PCDHGB4: variants seen among roughly 807,000 people sequenced by gnomAD.
PCDHGB4 encodes protocadherin gamma subfamily B, 4.
PCDHGB4 carries 38 observed loss-of-function variants against 60.5 expected under a neutral mutation model. That is an observed-to-expected ratio of 0.63 (90% CI 0.48 to 0.82). The LOEUF is 0.82. Ranked by LOEUF, PCDHGB4 falls within the 40% of genes least tolerant of loss-of-function variation. The pLI is 0.00. For synonymous variants in PCDHGB4, 456 were observed against 509.7 expected, an observed-to-expected ratio of 0.89 and a Z score of 1.42; for missense variants, 1,109 against 1,209.6, an observed-to-expected ratio of 0.92 and a Z score of 1.23.
intron 1 of PCDHGB4, chr5:141,404,724 T>C: frequency 6.2e-7 from 1 of 1,613,942 alleles, no homozygotes; most frequent in Non-Finnish European, 8.5e-7. Context: ...GTGACCAAGG[T>C]GGTGGCAGTG....
At chr5:141,484,707 G>C (rs1288663675) in intron 1 of PCDHGB4, among the ~76,000 whole-genome samples, 1 of 151,802 alleles carries the variant, frequency 6.6e-6, no homozygotes. Flanking sequence ...TGTTTTCCCC[G>C]CCGAAAAGGG....
chr5:141,415,907 T>C, intron 1 of PCDHGB4: 1 of 779,592 alleles, frequency 1.3e-6, no homozygotes. Context: ...CAGACTTCCA[T>C]ACAGAAGTGC....
At chr5:141,434,875 A>G (rs2097725018) in intron 1 of PCDHGB4, among the ~76,000 whole-genome samples, 1 of 151,990 alleles carries the variant, frequency 6.6e-6, no homozygotes, top group African/African-American at 2.4e-5. Flanking sequence ...TGTGACAGAT[A>G]CCAACAACAA....
intron 1 of PCDHGB4, chr5:141,427,447 T>A (rs556527924): frequency 1.9e-4 from 92 of 483,324 alleles, no homozygotes; most frequent in African/African-American, 1.4e-3. Context: ...AACGAAAGAG[T>A]TCCTTTTAGA....
At chr5:141,410,839 T>G in intron 1 of PCDHGB4, 2 of 481,442 alleles carry the variant, frequency 4.2e-6, no homozygotes, top group Non-Finnish European at 6.8e-6. Context: ...TGAAGATATT[T>G]TGTCTTTGTC....
At chr5:141,399,795 G>C in intron 1 of PCDHGB4, 2 of 1,613,204 alleles carry the variant, frequency 1.2e-6, no homozygotes, top group Non-Finnish European at 1.7e-6. Context: ...ACAACGCACC[G>C]CGGGTGCTGT....
intron 1 of PCDHGB4, chr5:141,403,237 CTG>C (rs1436614562): frequency 1.2e-6 from 2 of 1,613,942 alleles, no homozygotes; most frequent in Admixed American, 1.7e-5. Flanking sequence ...GGGAGGAGCT[CTG>C]TGCTCAGAGC....
rs371130763 is a variant in PCDHGB4 at position 141,432,970 on chromosome 5, G to A, written c.2397+42689G>A. The A allele has an allele frequency of 5.0e-6, 8 of 1,613,996 alleles. No homozygotes were observed. Among genetic ancestry groups the A allele is most frequent in the East Asian group, 4.5e-5 (2 of 44,868 alleles). ...GAGGCGGCTTGACAGGAGCGCCGGC[G>A]TCGCACTTTGTGGGCGTGGACGGGG... On this transcript the variant is annotated intron_variant, in intron 1 of 3. Transcript: ENST00000519479. The surrounding 1 kb of genome is among the most constrained non-coding windows in gnomAD (Gnocchi z 6.0).
At chr5:141,413,352 G>T in intron 1 of PCDHGB4, 11 of 1,613,976 alleles carry the variant, frequency 6.8e-6, no homozygotes, top group Non-Finnish European at 9.3e-6. Flanking sequence ...TGGGTCTGGC[G>T]CCCCGGGAGC....
intron 1 of PCDHGB4, chr5:141,408,394 C>T: frequency 6.2e-7 from 1 of 1,614,034 alleles, no homozygotes; most frequent in Non-Finnish European, 8.5e-7. Flanking sequence ...TGTCGGCTCG[C>T]AAGCTGCGAG....
At position 141,389,928 on chromosome 5, in the gene PCDHGB4, C is replaced by G; in HGVS notation, c.2044C>G (p.Leu682Val). ...DITDRPDPSDLQAELQFYLVV... is the reference protein window; with the variant it reads ...DITDRPDPSDVQAELQFYLVV... ...CACTGACCGCCCCGACCCCTCTGAC[C>G]TCCAGGCTGAGCTGCAGTTTTACCT... is the stretch of plus-strand genomic sequence containing the variant. Residue 682 changes from leucine to valine, a missense_variant, in exon 1 of 4, where the codon CTC (leucine) becomes GTC (valine). Transcript: ENST00000519479. 6.2e-7 allele frequency: 1 copy of G among 1,614,066 alleles called. No homozygotes were observed. Among genetic ancestry groups the G allele is most frequent in the Non-Finnish European group, 8.5e-7 (1 of 1,179,892 alleles).
chr5:141,421,833 C>T (rs1364245594), intron 1 of PCDHGB4: 6 of 1,613,756 alleles, frequency 3.7e-6, no homozygotes, highest in Non-Finnish European at 4.2e-6. Flanking sequence ...GAAGCCTGGA[C>T]CGAGAGAAAG....
At chr5:141,451,653 G>A (rs1440576814) in intron 1 of PCDHGB4, among the ~76,000 whole-genome samples, 2 of 152,166 alleles carry the variant, frequency 1.3e-5, no homozygotes, top group Non-Finnish European at 2.9e-5. Context: ...AGGCCAAGGA[G>A]GGTGGACTGC....
rs914956962 is a variant in PCDHGB4, at chr5:141,420,736, A to G, written c.2397+30455A>G. Among the ~76,000 whole-genome samples, 4 of 152,370 alleles carry G rather than the reference A, an allele frequency of 2.6e-5. No individual in the cohort carries two copies. In the East Asian group the frequency reaches 7.7e-4, roughly 29 times the overall value. On this transcript the variant is annotated intron_variant, in intron 1 of 3. Coordinates refer to ENST00000519479, the MANE Select transcript of PCDHGB4 (RefSeq NM_003736.4). ...TCGTTCCTTTCAGTCGGTTAAAATC[A>G]ATTGGAACCAACTACAACCTACAAG...
chr5:141,430,108 G>A (rs572634913), intron 1 of PCDHGB4, among the ~76,000 whole-genome samples: 1 of 152,190 alleles, frequency 6.6e-6, no homozygotes, highest in South Asian at 2.1e-4. Context: ...AGCGTTACAT[G>A]TCAACAACCT....
chr5:141,408,904 T>C (rs779095615), intron 1 of PCDHGB4: 14 of 1,613,246 alleles, frequency 8.7e-6, no homozygotes, highest in Admixed American at 3.3e-5. Flanking sequence ...CTGTCAAGGA[T>C]ACCAATGATA....
At chr5:141,409,745 T>C (rs968473065) in intron 1 of PCDHGB4, 8 of 1,613,074 alleles carry the variant, frequency 5.0e-6, no homozygotes, top group Non-Finnish European at 6.8e-6. Context: ...CGGGGTGGTG[T>C]TCGCGCAGCG....
At chr5:141,464,883 T>G (rs995385615) in intron 1 of PCDHGB4, among the ~76,000 whole-genome samples, 1 of 152,086 alleles carries the variant, frequency 6.6e-6, no homozygotes, top group African/African-American at 2.4e-5. Flanking sequence ...GGACTACAGA[T>G]GGATGCCACC....
intron 1 of PCDHGB4, chr5:141,394,604 C>G: frequency 6.2e-7 from 1 of 1,613,590 alleles, no homozygotes. Context: ...TGGACAGAGA[C>G]TCGGGCCAGA....
Sources: gnomAD v4.1 joint callset for allele counts (sites outside exome capture counted in the v4.1 genomes callset) on GRCh38, gnomAD v4.1.1 for gene constraint, Gnocchi (gnomAD v3.1) non-coding constraint, MANE v1.5 for transcripts, NCBI Gene and HGNC (gene_info 2026-07-23, HGNC 2026-07-21) for gene names.